The following ANKS1B variants were observed in gnomAD, a reference collection of about 807,000 sequenced individuals.
The protein encoded by ANKS1B is ankyrin repeat and sterile alpha motif domain-containing protein 1B.
ANKS1B carries 36 observed loss-of-function variants against 148.3 expected under a neutral mutation model. The ratio of observed to expected loss-of-function variants is 0.24; its 90% confidence interval spans 0.19 to 0.32. ANKS1B has a LOEUF of 0.32. Ranked by LOEUF, ANKS1B falls within the 10% of genes least tolerant of loss-of-function variation. The pLI is 1.00. For synonymous variants in ANKS1B, 542 were observed against 560.8 expected (o/e 0.97, Z 0.47); for missense variants, 1,157 against 1,542.6 (o/e 0.75, Z 4.19).
intron 23 of ANKS1B, 199 bp from the exon 24 acceptor site, chr12:98,781,402 C>A: frequency 1.5e-6 from 1 of 653,960 alleles, no homozygotes; most frequent in East Asian, 3.0e-5. Context: ...TTGGGCTTAG[C>A]TATACTTCGG....
chr12:99,902,752 CT>C (rs58515396), intron 1 of ANKS1B, among the ~76,000 whole-genome samples: 13,401 of 139,534 alleles, frequency 0.096, 529 homozygotes, highest in Non-Finnish European at 0.11. Flanking sequence ...CTGTTATACA[CT>C]TTTTTTTTTT....
chr12:99,618,701 G>A (rs1320108257), intron 9 of ANKS1B, among the ~76,000 whole-genome samples: 5 of 152,014 alleles, frequency 3.3e-5, no homozygotes, highest in Non-Finnish European at 7.4e-5. Flanking sequence ...AACTTGGGAA[G>A]GGGCTTAGAG....
In ANKS1B at chr12:99,969,932, T is replaced by C. The variant is rs80258790; in HGVS notation, c.134+14172A>G. On this transcript the variant is annotated intron_variant, in intron 1 of 26. Coordinates refer to ENST00000683438, the MANE Select transcript of ANKS1B (RefSeq NM_001352186.2). ...TAACCTTTTCACCCATAAATAAAAA[T>C]GGGGAAGACATTGCAAGACTTGTAA... Among the ~76,000 whole-genome samples, 1,093 of 152,238 alleles carry C rather than the reference T, an allele frequency of 7.2e-3. 11 individuals are homozygous for C. The highest frequency in any genetic ancestry group is 0.024 in the African/African-American group (1,011 of 41,554).
intron 4 of ANKS1B, among the ~76,000 whole-genome samples, chr12:99,785,283 CTGTG>C (rs753372905): frequency 8.6e-4 from 117 of 135,394 alleles, no homozygotes; most frequent in Non-Finnish European, 1.6e-3. Context: ...GTGTGTGTGT[CTGTG>C]TGTCTGTGTG....
chr12:99,322,393 C>G (rs2085445193), intron 12 of ANKS1B, among the ~76,000 whole-genome samples: 2 of 148,284 alleles, frequency 1.3e-5, no homozygotes, highest in Admixed American at 1.4e-4. Context: ...GAAGATGGGT[C>G]AATAGGTGCA....
At chr12:99,689,736 T>C (rs1314018075) in intron 8 of ANKS1B, among the ~76,000 whole-genome samples, 2 of 152,110 alleles carry the variant, frequency 1.3e-5, no homozygotes, top group African/African-American at 4.8e-5. Context: ...CAGCCTCAAG[T>C]TGAAAGCAAC....
chr12:99,545,090 G>A (rs577288016), intron 9 of ANKS1B, among the ~76,000 whole-genome samples: 3 of 152,204 alleles, frequency 2.0e-5, no homozygotes, highest in Admixed American at 2.0e-4. Context: ...TCTAAGATAT[G>A]ATTAATTGCA....
intron 17 of ANKS1B, among the ~76,000 whole-genome samples, chr12:98,845,852 G>C (rs1357775400): frequency 1.3e-5 from 2 of 151,600 alleles, no homozygotes; most frequent in Non-Finnish European, 2.9e-5. Context: ...TTAGTACAAT[G>C]ATATGCATAC....
At position 99,235,072 on chromosome 12, in the gene ANKS1B, A is replaced by T. The variant is rs371174286; in HGVS notation, c.2419+9270T>A. On this transcript the variant is annotated intron_variant, in intron 14 of 26. Transcript: ENST00000683438. ...GGACTGAGTCTCCACTTTCATTTTA[A>T]CTACCACTGTAGAAAAATGATAAAT... 5.3e-5 allele frequency among the ~76,000 whole-genome samples: 8 copies of T among 152,288 alleles called. No individual in the cohort carries two copies. In the East Asian group the frequency reaches 1.5e-3, roughly 29 times the overall value.
At chr12:99,796,316 A>G (rs1210674425) in intron 4 of ANKS1B, among the ~76,000 whole-genome samples, 4 of 152,008 alleles carry the variant, frequency 2.6e-5, no homozygotes, top group African/African-American at 9.7e-5. Flanking sequence ...GTTTATTTCT[A>G]TAATTTTCCT....
intron 8 of ANKS1B, among the ~76,000 whole-genome samples, chr12:99,703,666 C>A (rs1301286182): frequency 6.6e-6 from 1 of 152,038 alleles, no homozygotes; most frequent in Non-Finnish European, 1.5e-5. Flanking sequence ...TAGTCATTCC[C>A]TGTTTTGTTC....
At chr12:99,890,384 A>G (rs2093031579) in intron 1 of ANKS1B, among the ~76,000 whole-genome samples, 1 of 152,174 alleles carries the variant, frequency 6.6e-6, no homozygotes. Flanking sequence ...CCCAAATGCA[A>G]CACTGAAACT....
intron 12 of ANKS1B, among the ~76,000 whole-genome samples, chr12:99,390,238 G>A (rs1400633090): frequency 6.6e-6 from 1 of 152,212 alleles, no homozygotes; most frequent in Non-Finnish European, 1.5e-5. Flanking sequence ...AATAGGGATA[G>A]TATTTTTTAA....
intron 10 of ANKS1B, among the ~76,000 whole-genome samples, chr12:99,474,922 T>A (rs2096292759): frequency 6.6e-6 from 1 of 151,972 alleles, no homozygotes; most frequent in Non-Finnish European, 1.5e-5. Flanking sequence ...TACATGATTA[T>A]ATATCCAAAA....
At chr12:99,122,815 G>T (rs2153729853) in intron 15 of ANKS1B, among the ~76,000 whole-genome samples, 1 of 151,940 alleles carries the variant, frequency 6.6e-6, no homozygotes, top group South Asian at 2.1e-4. Flanking sequence ...TTTAAAGCAT[G>T]GTACTAGTAA....
At chr12:99,956,122 A>G (rs919593564) in intron 1 of ANKS1B, among the ~76,000 whole-genome samples, 30 of 151,916 alleles carry the variant, frequency 2.0e-4, no homozygotes, top group Admixed American at 1.7e-3. Context: ...TACTAAAAAT[A>G]CAAAAATTGG....
At chr12:99,404,652 T>C (rs1395985247) in intron 11 of ANKS1B, among the ~76,000 whole-genome samples, 1 of 145,292 alleles carries the variant, frequency 6.9e-6, no homozygotes, top group African/African-American at 2.6e-5. Flanking sequence ...GGCTTCAAGA[T>C]CTAGAAAATA....
intron 9 of ANKS1B, among the ~76,000 whole-genome samples, chr12:99,632,761 A>ATTTT (rs1567522996): frequency 2.7e-5 from 2 of 74,106 alleles, no homozygotes; most frequent in African/African-American, 1.0e-4. Context: ...ATATATATAT[A>ATTTT]TATATATTTT....
chr12:98,900,276 T>TA (rs1261424980), intron 17 of ANKS1B, among the ~76,000 whole-genome samples: 1 of 152,208 alleles, frequency 6.6e-6, no homozygotes, highest in Admixed American at 6.6e-5. Flanking sequence ...GAGGAAGAAA[T>TA]ACGCTCATAT....
Sources: gnomAD v4.1 joint callset for allele counts (sites outside exome capture counted in the v4.1 genomes callset) on GRCh38, gnomAD v4.1.1 for gene constraint, MANE v1.5 for transcripts, NCBI Gene and HGNC (gene_info 2026-07-23, HGNC 2026-07-21) for gene names.